Variants in RASGRF2 observed in about 807,000 individuals in gnomAD.
RASGRF2 encodes the protein ras-specific guanine nucleotide-releasing factor 2.
Under a neutral mutation model 151.0 loss-of-function variants are expected in RASGRF2, and 76 were observed. The observed-to-expected ratio is 0.50, with a 90% CI of 0.42 to 0.61. RASGRF2 has a LOEUF of 0.61. Among genes scored for constraint, RASGRF2 ranks in the 20% least tolerant of loss-of-function variants. The pLI is 0.00. For missense variants in RASGRF2, 1,148 were observed against 1,564.6 expected, an observed-to-expected ratio of 0.73 and a Z score of 4.49; for synonymous variants, 504 against 566.5, an observed-to-expected ratio of 0.89 and a Z score of 1.57.
At chr5:81,152,202 A>G (rs1754153243) in intron 17 of RASGRF2, among the ~76,000 whole-genome samples, 2 of 152,048 alleles carry the variant, frequency 1.3e-5, no homozygotes, top group Non-Finnish European at 2.9e-5. Flanking sequence ...GGGATTCATC[A>G]TGTTGGCCAG....
intron 2 of RASGRF2, among the ~76,000 whole-genome samples, chr5:81,045,942 AAC>A (rs1750821461): frequency 6.6e-6 from 1 of 152,182 alleles, no homozygotes; most frequent in African/African-American, 2.4e-5. Context: ...ATTGTAATAA[AAC>A]ACAATTAATT....
At chr5:81,135,420 G>A (rs1253369280) in intron 17 of RASGRF2, among the ~76,000 whole-genome samples, 1 of 152,186 alleles carries the variant, frequency 6.6e-6, no homozygotes, top group Non-Finnish European at 1.5e-5. Context: ...GCTGTTAGCA[G>A]TCACTCCCTA....
intron 18 of RASGRF2, among the ~76,000 whole-genome samples, chr5:81,198,459 A>G (rs112174793): frequency 1.4e-5 from 2 of 143,668 alleles, no homozygotes; most frequent in African/African-American, 5.1e-5. Context: ...TTTTTTTTTG[A>G]GACGGAGTCT....
rs1198078525 is a variant in RASGRF2, at chr5:81,112,699, G to A, written c.1928G>A (p.Ser643Asn). 1.2e-6 allele frequency: 2 copies of A among 1,614,232 alleles called. No individual in the cohort carries two copies. Among genetic ancestry groups the A allele is most frequent in the Non-Finnish European group, 1.7e-6 (2 of 1,180,040 alleles). ...AAAGTGCCCCAGATCCGTTATGCCA[G>A]CGTGGAGCGCCTCTTGGAACGACTG... ...SCKVPQIRYA[S>N]VERLLERLTD... Residue 643 changes from serine to asparagine, a missense_variant, in exon 14 of 27, where the codon AGC (serine) becomes AAC (asparagine). Ser to Asn is a conservative substitution (Grantham distance 46). This residue lies in a region of RASGRF2 where 646 missense variants were observed against 807.4 expected (regional missense o/e 0.80). Transcript: ENST00000265080.
chr5:81,087,240 G>A, intron 9 of RASGRF2: 1 of 703,090 alleles, frequency 1.4e-6, no homozygotes, highest in Non-Finnish European at 2.6e-6. Flanking sequence ...GCTCCAAGGA[G>A]GACCGGTCGG....
At position 81,227,992 on chromosome 5, in the gene RASGRF2, G is replaced by C. The variant is rs1756033711; in HGVS notation, c.*2222G>C. 1 of 152,186 alleles carries C rather than the reference G, an allele frequency of 6.6e-6. No individual in the cohort carries two copies. Among genetic ancestry groups the C allele is most frequent in the Non-Finnish European group, 1.5e-5 (1 of 68,052 alleles). 9.4% of individuals were successfully genotyped at this position (152,186 alleles called of 1,614,324 possible). On this transcript the variant is annotated 3_prime_UTR_variant, in exon 27 of 27. Transcript: ENST00000265080. ...TTGGATCGCAGCTTTTCTTCAACTA[G>C]TGACAAAGCTTTTGCGCCTATTTCC...
chr5:81,071,797 A>G (rs1356535453), intron 4 of RASGRF2, among the ~76,000 whole-genome samples: 18 of 152,154 alleles, frequency 1.2e-4, no homozygotes, highest in Admixed American at 1.2e-3. Context: ...GAAAAAATTA[A>G]TAAAATTCAA....
At chr5:81,002,225 T>C (rs1378967800) in intron 1 of RASGRF2, among the ~76,000 whole-genome samples, 1 of 152,228 alleles carries the variant, frequency 6.6e-6, no homozygotes, top group East Asian at 1.9e-4. Flanking sequence ...GGAGTAGTTA[T>C]CTAAGCTGTC....
chr5:81,151,773 G>A (rs1171650720), intron 17 of RASGRF2, among the ~76,000 whole-genome samples: 4 of 152,300 alleles, frequency 2.6e-5, no homozygotes, highest in Admixed American at 2.0e-4. Context: ...TTCATAGGAA[G>A]CAACTTGGAC....
At chr5:81,068,216 A>G (rs1751668322) in intron 3 of RASGRF2, 37 bp downstream of exon 3, 1 of 1,587,776 alleles carries the variant, frequency 6.3e-7, no homozygotes, top group Non-Finnish European at 8.6e-7. Context: ...TCATTGTTTC[A>G]CGTTTACCGT....
At position 81,123,687 on chromosome 5, in the gene RASGRF2, C is replaced by A. The variant is rs61759866; in HGVS notation, c.2516C>A (p.Ser839Tyr). 909 of 1,613,990 alleles carry A rather than the reference C, an allele frequency of 5.6e-4. 1 individual carries two copies. Among genetic ancestry groups the A allele is most frequent in the Non-Finnish European group, 7.3e-4 (864 of 1,179,980 alleles). Residue 839 changes from serine to tyrosine, a missense_variant, in exon 16 of 27, where the codon TCC (serine) becomes TAC (tyrosine). Ser to Tyr is a moderately radical substitution (Grantham distance 144). Around this residue, in one of 5 missense-constraint regions of RASGRF2, gnomAD observed 646 missense variants for 807.4 expected, o/e 0.80. Transcript: ENST00000265080. ...APADRAGVES[S>Y]PAADTTELSP... is the part of the protein sequence containing the mutation. ...GCGGACCGAGCAGGAGTGGAAAGCT[C>A]CCCTGCAGCGGACACCACAGAACTT...
intron 5 of RASGRF2, among the ~76,000 whole-genome samples, chr5:81,077,459 G>A (rs1580286983): frequency 6.6e-6 from 1 of 152,216 alleles, no homozygotes; most frequent in Non-Finnish European, 1.5e-5. Flanking sequence ...AAGGCATCAG[G>A]AAGAGCCACT....
At chr5:81,110,759 A>G (rs1752970819) in intron 13 of RASGRF2, among the ~76,000 whole-genome samples, 1 of 152,226 alleles carries the variant, frequency 6.6e-6, no homozygotes, top group Non-Finnish European at 1.5e-5. Flanking sequence ...AGGGTGATGA[A>G]TTCATAAAAT....
intron 18 of RASGRF2, among the ~76,000 whole-genome samples, chr5:81,199,604 A>AT (rs917596737): frequency 6.6e-5 from 10 of 152,100 alleles, no homozygotes; most frequent in African/African-American, 1.7e-4. Flanking sequence ...GAAAATGGTG[A>AT]TTTTTTGCCG....
intron 1 of RASGRF2, among the ~76,000 whole-genome samples, chr5:81,032,990 C>G (rs372967019): frequency 6.6e-6 from 1 of 152,036 alleles, no homozygotes; most frequent in Non-Finnish European, 1.5e-5. Context: ...ACAAGCATTC[C>G]TATACACCAA....
intron 15 of RASGRF2, among the ~76,000 whole-genome samples, chr5:81,117,885 A>C (rs4703823): frequency 0.16 from 25,081 of 152,266 alleles, 2,297 homozygotes; most frequent in Middle Eastern, 0.27. Context: ...ACATGCCTCA[A>C]GTAAGTCTGA....
intron 1 of RASGRF2, among the ~76,000 whole-genome samples, chr5:80,965,582 A>G (rs1747696682): frequency 6.6e-6 from 1 of 152,172 alleles, no homozygotes; most frequent in Non-Finnish European, 1.5e-5. Context: ...ATAAAAATGC[A>G]TTATTGTTGT....
At chr5:81,159,133 A>G (rs1414898280) in intron 17 of RASGRF2, among the ~76,000 whole-genome samples, 1 of 152,278 alleles carries the variant, frequency 6.6e-6, no homozygotes, top group African/African-American at 2.4e-5. Context: ...CAATCATGCT[A>G]TATATTAAAT....
intron 13 of RASGRF2, among the ~76,000 whole-genome samples, chr5:81,111,325 T>C (rs7720624): frequency 0.06 from 9,164 of 152,182 alleles, 871 homozygotes; most frequent in African/African-American, 0.19. Context: ...AAGCTACTGG[T>C]GGTCCTCGTT....
Sources: gnomAD v4.1 joint callset for allele counts (sites outside exome capture counted in the v4.1 genomes callset) on GRCh38, gnomAD v4.1.1 for gene constraint, gnomAD v4.1.1 regional missense constraint, MANE v1.5 for transcripts, NCBI Gene and HGNC (gene_info 2026-07-23, HGNC 2026-07-21) for gene names.